The following CCSER1 variants were observed in gnomAD, a reference collection of about 807,000 sequenced individuals.
The protein encoded by CCSER1 is serine-rich coiled-coil domain-containing protein 1.
CCSER1 carries 41 observed loss-of-function variants against 82.0 expected under a neutral mutation model. The ratio of observed to expected loss-of-function variants is 0.50; its 90% CI spans 0.39 to 0.65. The LOEUF (loss-of-function observed/expected upper bound fraction) is 0.65, where lower values mean the gene tolerates loss of function less well. CCSER1 is among the 30% of genes least tolerant of loss of function. CCSER1 has a pLI of 0.00. For missense variants in CCSER1, 1,119 were observed against 1,064.2 expected, an observed-to-expected ratio of 1.05 and a Z score of -0.72; for synonymous variants, 414 against 383.9, an observed-to-expected ratio of 1.08 and a Z score of -0.92.
intron 10 of CCSER1, among the ~76,000 whole-genome samples, chr4:91,446,676 A>ATAT (rs376326688): frequency 0.32 from 45,109 of 142,182 alleles, 7,331 homozygotes; most frequent in East Asian, 0.49. Flanking sequence ...TAAATAAATA[A>ATAT]ATATATATAT....
intron 1 of CCSER1, among the ~76,000 whole-genome samples, chr4:90,250,080 A>T (rs1281527300): frequency 1.3e-5 from 2 of 151,984 alleles, no homozygotes; most frequent in East Asian, 3.9e-4. Context: ...GCCTTTTTTA[A>T]AAAAATTGGG....
At chr4:91,549,555 G>T (rs966763770) in intron 10 of CCSER1, among the ~76,000 whole-genome samples, 16 of 151,998 alleles carry the variant, frequency 1.1e-4, no homozygotes, top group Non-Finnish European at 2.1e-4. Flanking sequence ...GTCCTTTGGG[G>T]GCCAGGCAAG....
At chr4:90,977,171 A>G (rs1198280460) in intron 9 of CCSER1, among the ~76,000 whole-genome samples, 1 of 151,580 alleles carries the variant, frequency 6.6e-6, no homozygotes, top group African/African-American at 2.4e-5. Context: ...AACACAATAT[A>G]AACTAAAGCT....
At chr4:90,646,195 G>A (rs1442547595) in intron 6 of CCSER1, among the ~76,000 whole-genome samples, 1 of 152,054 alleles carries the variant, frequency 6.6e-6, no homozygotes, top group Non-Finnish European at 1.5e-5. Context: ...AAATCTCTGT[G>A]CATATAGCAA....
intron 10 of CCSER1, among the ~76,000 whole-genome samples, chr4:91,214,351 AC>A (rs1431848383): frequency 5.3e-5 from 8 of 152,154 alleles, no homozygotes; most frequent in African/African-American, 1.7e-4. Context: ...AATTTTAAAA[AC>A]CCTAGACGAA....
intron 10 of CCSER1, among the ~76,000 whole-genome samples, chr4:91,138,789 C>A (rs573313452): frequency 6.6e-6 from 1 of 150,832 alleles, no homozygotes; most frequent in South Asian, 2.1e-4. Flanking sequence ...CATGAACAGA[C>A]ACTTCTCAAA....
chr4:90,321,128 G>A (rs1001049612), intron 3 of CCSER1, among the ~76,000 whole-genome samples: 3 of 151,538 alleles, frequency 2.0e-5, no homozygotes, highest in Admixed American at 6.6e-5. Flanking sequence ...TTTCACTATA[G>A]TTACCCTATT....
At chr4:91,337,976 C>T (rs1197790075) in intron 10 of CCSER1, among the ~76,000 whole-genome samples, 3 of 152,104 alleles carry the variant, frequency 2.0e-5, no homozygotes, top group African/African-American at 7.2e-5. Context: ...TTGGCCCCAG[C>T]CTTGTAAGTT....
At chr4:90,839,406 G>A (rs1019426199) in intron 8 of CCSER1, among the ~76,000 whole-genome samples, 1 of 152,188 alleles carries the variant, frequency 6.6e-6, no homozygotes, top group Non-Finnish European at 1.5e-5. Flanking sequence ...TATGAAACAA[G>A]TGAAAACTAA....
Position 90,178,862 on chromosome 4 carries a change from C to A in CCSER1, c.-42+51031C>A, listed in dbSNP as rs574525901. ...TCAATAAAATTCTATATGATATGCT[C>A]CGCAAATGTGGAATTGTTTTGGTGG... is the stretch of plus-strand genomic sequence containing the variant. On this transcript the variant is annotated intron_variant, in intron 1 of 10. Transcript: ENST00000509176. Among the ~76,000 whole-genome samples, 21 of 152,170 alleles carry A rather than the reference C, an allele frequency of 1.4e-4. No homozygotes were observed. In the South Asian group the frequency reaches 4.4e-3, roughly 32 times the overall value.
rs1484875456 is a variant in CCSER1, at chr4:90,856,078, A to ATT, written c.2094+40233_2094+40234insTT. Among the ~76,000 whole-genome samples the ATT allele has an allele frequency of 7.2e-5, 11 of 152,276 alleles. No homozygotes were observed. In the South Asian group the frequency reaches 2.3e-3, roughly 32 times the overall value. On this transcript the variant is annotated intron_variant, in intron 8 of 10. Coordinates refer to ENST00000509176, the MANE Select transcript of CCSER1 (RefSeq NM_001145065.2). ...CAAATTAAATTACATAACCTATGCA[A>ATT]AATATTAATTTAATACACATTCAAC...
intron 1 of CCSER1, among the ~76,000 whole-genome samples, chr4:90,143,600 T>A (rs1357721125): frequency 6.6e-6 from 1 of 151,942 alleles, no homozygotes; most frequent in African/African-American, 2.4e-5. Flanking sequence ...GATTATTGAA[T>A]AAATTAACTT....
chr4:91,429,062 T>C (rs1754148466), intron 10 of CCSER1, among the ~76,000 whole-genome samples: 2 of 152,026 alleles, frequency 1.3e-5, no homozygotes, highest in Non-Finnish European at 2.9e-5. Flanking sequence ...CATTGATTTA[T>C]CTTGTATCAA....
intron 10 of CCSER1, among the ~76,000 whole-genome samples, chr4:91,262,665 T>C (rs1414473058): frequency 6.6e-6 from 1 of 152,106 alleles, no homozygotes. Flanking sequence ...AAATTTAGAA[T>C]TTTTAAAAGA....
At chr4:90,794,816 C>G (rs1755767360) in intron 7 of CCSER1, among the ~76,000 whole-genome samples, 1 of 152,030 alleles carries the variant, frequency 6.6e-6, no homozygotes, top group Admixed American at 6.6e-5. Context: ...AATGTTTTCC[C>G]ATTTGTTTGT....
At chr4:90,144,223 T>G (rs146512123) in intron 1 of CCSER1, among the ~76,000 whole-genome samples, 16 of 152,342 alleles carry the variant, frequency 1.1e-4, no homozygotes, top group Middle Eastern at 3.4e-3. Context: ...CCTTGCCTGT[T>G]CAAATTATAG....
At chr4:90,759,051 C>T (rs944632510) in intron 7 of CCSER1, among the ~76,000 whole-genome samples, 3 of 152,138 alleles carry the variant, frequency 2.0e-5, no homozygotes, top group African/African-American at 4.8e-5. Flanking sequence ...CATCTTGCAC[C>T]TCCTTCTAAG....
chr4:90,225,952 A>G (rs1320592103), intron 1 of CCSER1, among the ~76,000 whole-genome samples: 1 of 152,200 alleles, frequency 6.6e-6, no homozygotes, highest in East Asian at 1.9e-4. Context: ...TATAAGTAAT[A>G]CTATATCAGT....
intron 10 of CCSER1, among the ~76,000 whole-genome samples, chr4:91,508,144 TTTTTTTTTTTTTTCTGGG>T (rs1244098395): frequency 1.5e-4 from 2 of 13,390 alleles, no homozygotes; most frequent in Non-Finnish European, 3.8e-4. Flanking sequence ...ACAGAGATCC[TTTTTTTTTTTTTTCTGGG>T]TTTTTTTTTT....
Sources: allele counts gnomAD v4.1 joint callset (sites outside exome capture counted in the v4.1 genomes callset), GRCh38; gene constraint gnomAD v4.1.1; transcripts MANE v1.5; gene names NCBI Gene and HGNC (gene_info 2026-07-23, HGNC 2026-07-21).